KSR2: variants seen among roughly 807,000 people sequenced by gnomAD.
KSR2 encodes the protein kinase suppressor of ras 2.
KSR2 carries 25 observed loss-of-function variants against 107.8 expected under a neutral mutation model. The ratio of observed to expected loss-of-function variants is 0.23; its 90% CI spans 0.17 to 0.32. The LOEUF is 0.32. KSR2 is among the 10% of genes least tolerant of loss of function. The probability of loss-of-function intolerance (pLI) is 1.00; values close to 1 mark genes in which losing one functional copy is unlikely to be tolerated. For missense variants in KSR2, 887 were observed against 1,268.9 expected, an observed-to-expected ratio of 0.70 and a Z score of 4.57; for synonymous variants, 480 against 507.0, an observed-to-expected ratio of 0.95 and a Z score of 0.71.
intron 4 of KSR2, among the ~76,000 whole-genome samples, chr12:117,731,915 T>C (rs1328504317): frequency 1.4e-5 from 2 of 139,656 alleles, no homozygotes; most frequent in Non-Finnish European, 3.2e-5. Flanking sequence ...CGCAGGGTCC[T>C]GTGCCTAGGA....
chr12:117,845,169 G>A (rs374241529), intron 3 of KSR2, among the ~76,000 whole-genome samples: 1 of 152,128 alleles, frequency 6.6e-6, no homozygotes, highest in East Asian at 1.9e-4. Context: ...CGGCGTCATA[G>A]TATTGGCTTC....
intron 14 of KSR2, among the ~76,000 whole-genome samples, chr12:117,509,695 C>T (rs533360805): frequency 3.3e-5 from 5 of 152,264 alleles, no homozygotes; most frequent in African/African-American, 4.8e-5. Flanking sequence ...CTCCAAGTCC[C>T]GAAGGGCTGT....
chr12:117,892,787 C>CAA lies in KSR2; in HGVS notation c.181-32358_181-32357dup, dbSNP rs35897528. Among the ~76,000 whole-genome samples the CAA allele has an allele frequency of 1.7e-3, 147 of 87,046 alleles. 1 individual carries two copies. The highest frequency in any genetic ancestry group is 2.7e-3 in the Non-Finnish European group (111 of 41,204). 57.1% of individuals were successfully genotyped at this position (87,046 alleles called of 152,430 possible). On this transcript the variant is annotated intron_variant, in intron 1 of 19. Coordinates refer to ENST00000339824, the MANE Select transcript of KSR2 (RefSeq NM_173598.6). ...AGTTTGCTGACATCTGTGCTATGTG[C>CAA]AAAAAAAAAAAAAAAAAAAAAAAAA...
In KSR2 at chr12:117,658,411, G is replaced by A. The variant is rs74691361; in HGVS notation, c.1171+9063C>T. On this transcript the variant is annotated intron_variant, in intron 5 of 19. Transcript: ENST00000339824. The stretch of plus-strand genomic sequence containing the variant: ...AAAAAGTGGAAGGACAGAGGTCACA[G>A]TCTACATCCCATGAACCAAATCTGG... Among the ~76,000 whole-genome samples, 1,509 of 152,324 alleles carry A rather than the reference G, an allele frequency of 9.9e-3. 27 individuals carry two copies. Among genetic ancestry groups the A allele is most frequent in the African/African-American group, 0.035 (1,448 of 41,576 alleles).
intron 1 of KSR2, among the ~76,000 whole-genome samples, chr12:117,917,793 C>T (rs981553628): frequency 1.3e-5 from 2 of 152,164 alleles, no homozygotes; most frequent in African/African-American, 4.8e-5. Context: ...GCCCCATTCT[C>T]CCCCATCACC....
chr12:117,855,609 G>A (rs1893077202), intron 2 of KSR2, 31 bp from the exon 3 acceptor site: 2 of 1,612,250 alleles, frequency 1.2e-6, no homozygotes, highest in Non-Finnish European at 1.7e-6. Context: ...TGTCAACCGT[G>A]GGGCAGGAAC....
chr12:117,554,582 G>A (rs1374492509), intron 9 of KSR2, among the ~76,000 whole-genome samples: 2 of 152,152 alleles, frequency 1.3e-5, no homozygotes, highest in Non-Finnish European at 2.9e-5. Flanking sequence ...GAATCATGGG[G>A]GCTGGTCTTT....
At chr12:117,868,303 T>C (rs1893541500) in intron 1 of KSR2, among the ~76,000 whole-genome samples, 1 of 151,732 alleles carries the variant, frequency 6.6e-6, no homozygotes, top group Non-Finnish European at 1.5e-5. Flanking sequence ...TGCACATCTG[T>C]AGTCCCAGCT....
intron 4 of KSR2, among the ~76,000 whole-genome samples, chr12:117,747,718 T>C (rs1367931341): frequency 6.6e-6 from 1 of 152,160 alleles, no homozygotes; most frequent in African/African-American, 2.4e-5. Context: ...ACATCATTAA[T>C]CATCGAGGAA....
chr12:117,585,625 A>C (rs939947905), intron 5 of KSR2, among the ~76,000 whole-genome samples: 1 of 150,270 alleles, frequency 6.7e-6, no homozygotes, highest in Non-Finnish European at 1.5e-5. Flanking sequence ...AAAGCAATGG[A>C]AAACTGTTGA....
chr12:117,744,042 G>A (rs1215317454), intron 4 of KSR2, among the ~76,000 whole-genome samples: 1 of 152,170 alleles, frequency 6.6e-6, no homozygotes, highest in Admixed American at 6.5e-5. Flanking sequence ...AGCTCTGCAT[G>A]CCCTCTCTTC....
intron 4 of KSR2, among the ~76,000 whole-genome samples, chr12:117,691,635 T>C (rs1565963321): frequency 6.6e-6 from 1 of 152,214 alleles, no homozygotes; most frequent in Non-Finnish European, 1.5e-5. Context: ...CCTCCAGTTC[T>C]CCATGGTGCA....
intron 14 of KSR2, among the ~76,000 whole-genome samples, chr12:117,513,294 G>A (rs1281672454): frequency 1.3e-5 from 2 of 152,126 alleles, no homozygotes; most frequent in Non-Finnish European, 2.9e-5. Context: ...TATACTCCAT[G>A]ACAAGGAGTC....
chr12:117,707,354 G>GA (rs147912707), intron 4 of KSR2, among the ~76,000 whole-genome samples: 1,916 of 152,152 alleles, frequency 0.013, 40 homozygotes, highest in African/African-American at 0.034. Flanking sequence ...GTTAATATAC[G>GA]AAAAAACCAT....
chr12:117,924,496 C>T (rs1209722716), intron 1 of KSR2, among the ~76,000 whole-genome samples: 4 of 140,540 alleles, frequency 2.8e-5, no homozygotes, highest in African/African-American at 2.7e-5. Context: ...CACTTGAACC[C>T]GGGAAGCAGA....
At chr12:117,570,128 C>G (rs973500993) in intron 7 of KSR2, among the ~76,000 whole-genome samples, 2 of 152,070 alleles carry the variant, frequency 1.3e-5, no homozygotes, top group African/African-American at 4.8e-5. Flanking sequence ...TCAGCCTCCC[C>G]AGTAGCTGGG....
chr12:117,480,028 ATGTGTGTGTG>A (rs55877244), intron 16 of KSR2, among the ~76,000 whole-genome samples: 4 of 148,538 alleles, frequency 2.7e-5, no homozygotes, highest in African/African-American at 1.0e-4. Flanking sequence ...ACACATGTGT[ATGTGTGTGTG>A]TGTGTGTGTG....
At chr12:117,491,594 G>A (rs1285240446) in intron 14 of KSR2, among the ~76,000 whole-genome samples, 2 of 152,046 alleles carry the variant, frequency 1.3e-5, no homozygotes, top group African/African-American at 2.4e-5. Context: ...ATAATACTCC[G>A]CCGCATTTAT....
chr12:117,715,164 G>C (rs918718030), intron 4 of KSR2, among the ~76,000 whole-genome samples: 1 of 151,888 alleles, frequency 6.6e-6, no homozygotes, highest in African/African-American at 2.4e-5. Context: ...CTTATTAAAG[G>C]GCACAGTCTA....
Sources: allele counts gnomAD v4.1 joint callset (sites outside exome capture counted in the v4.1 genomes callset), GRCh38; gene constraint gnomAD v4.1.1; transcripts MANE v1.5; gene names NCBI Gene and HGNC (gene_info 2026-07-23, HGNC 2026-07-21).